The following DOCK3 variants were observed in gnomAD, a reference collection of about 807,000 sequenced individuals.
DOCK3 encodes the protein dedicator of cytokinesis 3, also known as dedicator of cytokinesis protein 3.
In DOCK3, 60 loss-of-function variants were observed where a neutral mutation model predicts 265.6. The observed-to-expected ratio is 0.23, with a 90% CI of 0.18 to 0.28. The LOEUF (loss-of-function observed/expected upper bound fraction) is 0.28, where lower values mean the gene tolerates loss of function less well. Among genes scored for constraint, DOCK3 ranks in the 10% least tolerant of loss-of-function variants. The probability of loss-of-function intolerance (pLI) is 1.00; values close to 1 mark genes in which losing one functional copy is unlikely to be tolerated. For missense variants in DOCK3, 1,981 were observed against 2,594.3 expected (o/e 0.76, Z 5.14); for synonymous variants, 881 against 938.0 (o/e 0.94, Z 1.11).
chr3:51,089,189 T>C, intron 7 of DOCK3, 54 bp from the exon 8 acceptor site: 7 of 1,553,034 alleles, frequency 4.5e-6, no homozygotes, highest in Non-Finnish European at 6.1e-6. Context: ...AAGTTCTTAA[T>C]AAAATTTAGT....
chr3:50,703,062 T>C (rs1240673501), intron 1 of DOCK3, among the ~76,000 whole-genome samples: 6 of 152,206 alleles, frequency 3.9e-5, no homozygotes, highest in African/African-American at 1.4e-4. Flanking sequence ...GGATGCCGAA[T>C]TTTATTGAGT....
chr3:50,886,838 A>C (rs1207786194), intron 3 of DOCK3, among the ~76,000 whole-genome samples: 1 of 152,182 alleles, frequency 6.6e-6, no homozygotes, highest in Non-Finnish European at 1.5e-5. Context: ...ACAACATACC[A>C]GAATCTCTGG....
At chr3:50,780,830 C>A (rs1042661281) in intron 2 of DOCK3, among the ~76,000 whole-genome samples, 1 of 152,012 alleles carries the variant, frequency 6.6e-6, no homozygotes, top group African/African-American at 2.4e-5. Context: ...TTCAAATCCT[C>A]CCTTCCCCTT....
intron 47 of DOCK3, among the ~76,000 whole-genome samples, chr3:51,360,972 G>A (rs2110338872): frequency 6.6e-6 from 1 of 152,314 alleles, no homozygotes. Flanking sequence ...GAACAAGCCA[G>A]CCTGGTCAGC....
At chr3:51,073,881 A>G (rs1305951477) in intron 6 of DOCK3, among the ~76,000 whole-genome samples, 4 of 152,170 alleles carry the variant, frequency 2.6e-5, no homozygotes, top group African/African-American at 2.4e-5. Flanking sequence ...TACTTTCTCC[A>G]TATAGGTTTG....
chr3:50,967,204 A>G (rs1328645242), intron 5 of DOCK3, among the ~76,000 whole-genome samples: 1 of 152,130 alleles, frequency 6.6e-6, no homozygotes. Context: ...TCTGGTAAAC[A>G]TTCTACTCTG....
intron 5 of DOCK3, among the ~76,000 whole-genome samples, chr3:51,051,102 A>G (rs1279386095): frequency 6.6e-6 from 1 of 152,216 alleles, no homozygotes; most frequent in Non-Finnish European, 1.5e-5. Context: ...TCAGAGTAAC[A>G]TGTTCTTCAA....
chr3:51,084,774 G>A (rs1276622684), intron 7 of DOCK3, among the ~76,000 whole-genome samples: 1 of 152,070 alleles, frequency 6.6e-6, no homozygotes, highest in Non-Finnish European at 1.5e-5. Context: ...AATGAAGAAT[G>A]TATTAAACAA....
intron 4 of DOCK3, among the ~76,000 whole-genome samples, chr3:50,903,376 G>C (rs1304889302): frequency 6.6e-6 from 1 of 152,144 alleles, no homozygotes; most frequent in Non-Finnish European, 1.5e-5. Flanking sequence ...TTAACATGAA[G>C]GGATGTTGAA....
chr3:50,691,282 T>TC (rs1553633937), intron 1 of DOCK3, among the ~76,000 whole-genome samples: 1 of 139,298 alleles, frequency 7.2e-6, no homozygotes, highest in African/African-American at 2.7e-5. Flanking sequence ...AGACTCTGTC[T>TC]CAAAAAAAAA....
intron 38 of DOCK3, among the ~76,000 whole-genome samples, chr3:51,348,458 CTG>C (rs1412352407): frequency 6.6e-6 from 1 of 152,222 alleles, no homozygotes; most frequent in African/African-American, 2.4e-5. Flanking sequence ...GTTCTAGTCT[CTG>C]AGAACAAAAT....
intron 14 of DOCK3, among the ~76,000 whole-genome samples, chr3:51,219,919 T>C (rs759525665): frequency 6.6e-6 from 1 of 152,120 alleles, no homozygotes; most frequent in Non-Finnish European, 1.5e-5. Context: ...GGACAAACTA[T>C]CTATAGTGAT....
chr3:51,120,956 C>G (rs2083985800), intron 9 of DOCK3, among the ~76,000 whole-genome samples: 1 of 152,156 alleles, frequency 6.6e-6, no homozygotes, highest in Non-Finnish European at 1.5e-5. Flanking sequence ...GCTTCAGCTT[C>G]CTTTCCAGGG....
At chr3:51,074,813 G>A (rs1045659799) in intron 6 of DOCK3, among the ~76,000 whole-genome samples, 13 of 151,818 alleles carry the variant, frequency 8.6e-5, no homozygotes, top group Non-Finnish European at 1.3e-4. Context: ...CACATCCTGC[G>A]TAACAAACCT....
chr3:51,163,163 C>A, intron 12 of DOCK3, among the ~76,000 whole-genome samples: 1 of 152,188 alleles, frequency 6.6e-6, no homozygotes, highest in East Asian at 1.9e-4. Context: ...ATTGATAGTT[C>A]TTTAGCCTTT....
intron 2 of DOCK3, among the ~76,000 whole-genome samples, chr3:50,823,806 C>T (rs562198598): frequency 6.6e-6 from 1 of 152,354 alleles, no homozygotes; most frequent in Admixed American, 6.5e-5. Context: ...CTGACTCCCC[C>T]ACCTCCCTCC....
At chr3:50,868,027 A>C (rs957985591) in intron 3 of DOCK3, among the ~76,000 whole-genome samples, 2 of 151,750 alleles carry the variant, frequency 1.3e-5, no homozygotes, top group Non-Finnish European at 2.9e-5. Flanking sequence ...TGTTAGGTAG[A>C]ATTCAGCAGT....
intron 10 of DOCK3, among the ~76,000 whole-genome samples, chr3:51,154,225 T>A (rs910293652): frequency 2.2e-4 from 34 of 152,368 alleles, no homozygotes; most frequent in African/African-American, 7.5e-4. Flanking sequence ...TAGCTTTTAT[T>A]GATAATGCTC....
At chr3:51,379,357 T>G in intron 51 of DOCK3, 1 of 980,762 alleles carries the variant, frequency 1.0e-6, no homozygotes, top group Non-Finnish European at 1.2e-6. Context: ...GCTGGATACG[T>G]GGTGCACACT....
Sources: allele counts gnomAD v4.1 joint callset (sites outside exome capture counted in the v4.1 genomes callset), GRCh38; gene constraint gnomAD v4.1.1; transcripts MANE v1.5; gene names NCBI Gene and HGNC (gene_info 2026-07-23, HGNC 2026-07-21).